LRRC3C: variants seen among roughly 807,000 people sequenced by gnomAD.
LRRC3C encodes leucine rich repeat containing 3C.
Under a neutral mutation model 14.8 loss-of-function variants are expected in LRRC3C, and 11 were observed. The observed-to-expected ratio is 0.74, with a 90% CI of 0.47 to 1.23. The LOEUF (loss-of-function observed/expected upper bound fraction) is 1.23, where lower values mean the gene tolerates loss of function less well. Among genes scored for constraint, LRRC3C ranks in the 50% most tolerant of loss-of-function variants. The pLI is 0.00. For synonymous variants in LRRC3C, 149 were observed against 161.5 expected (o/e 0.92, Z 0.59); for missense variants, 354 against 361.8 (o/e 0.98, Z 0.18).
intron 2 of LRRC3C, among the ~76,000 whole-genome samples, chr17:39,936,521 G>A (rs932829958): frequency 2.6e-5 from 4 of 151,950 alleles, no homozygotes; most frequent in African/African-American, 9.7e-5. Context: ...CTTTCAATCC[G>A]ACCAGATGCG....
At chr17:39,931,852 T>C (rs889000133) in intron 1 of LRRC3C, among the ~76,000 whole-genome samples, 2 of 152,036 alleles carry the variant, frequency 1.3e-5, no homozygotes, top group Non-Finnish European at 2.9e-5. Context: ...GGTTTCACCA[T>C]GTTGGCCAGG....
Position 39,935,795 on chromosome 17 carries a change from T to G in LRRC3C, c.-174-7T>G. On this transcript the variant is annotated splice_polypyrimidine_tract_variant and splice_region_variant and intron_variant, in intron 1 of 3. Transcript: ENST00000377924. ...TGTATGTATACACCCCTTGCTCTTTTCTACAGGGAACAACAATAGCAGAGG... is the reference window on the plus strand; with the variant it reads ...TGTATGTATACACCCCTTGCTCTTTGCTACAGGGAACAACAATAGCAGAGG... 1.0e-6 allele frequency: 1 copy of G among 985,318 alleles called. No individual in the cohort carries two copies. The highest frequency in any genetic ancestry group is 4.7e-5 in the South Asian group (1 of 21,282). The allele number at this position is 985,318 out of a possible 1,614,324, so 61.0% of individuals were successfully genotyped here.
chr17:39,928,852 G>T (rs1978564756), intron 1 of LRRC3C, among the ~76,000 whole-genome samples: 1 of 152,214 alleles, frequency 6.6e-6, no homozygotes, highest in Admixed American at 6.5e-5. Flanking sequence ...CACACAGCTG[G>T]AGTGGGACCC....
In LRRC3C at chr17:39,941,545, T is replaced by G. The variant is rs2144766162; in HGVS notation, c.22T>G (p.Phe8Val). Reference sequence around the variant, plus strand: ...TCCAATGCGTATGACCTCATCTTCCTTCGTGTAAGTATATCCACCCCTAGT... The same window carrying G: ...TCCAATGCGTATGACCTCATCTTCCGTCGTGTAAGTATATCCACCCCTAGT... MRMTSSS[F>V]VSYCTPGLCQ... Residue 8 changes from phenylalanine (F) to valine (V), a missense_variant, in exon 3 of 4, where the codon TTC becomes GTC. Phe to Val is a conservative substitution (Grantham distance 50). Transcript: ENST00000377924. 1 of 1,535,734 alleles carries G rather than the reference T, an allele frequency of 6.5e-7. No homozygotes were observed. The highest frequency in any genetic ancestry group is 1.2e-5 in the South Asian group (1 of 84,042).
chr17:39,943,818 G>A, intron 3 of LRRC3C, 115 bp from the exon 4 acceptor site: 2 of 949,394 alleles, frequency 2.1e-6, no homozygotes, highest in Non-Finnish European at 3.1e-6. Context: ...AGCCCCCAGA[G>A]AAGAGGCCCC....
chr17:39,931,289 GAA>G (rs1372755638), intron 1 of LRRC3C, among the ~76,000 whole-genome samples: 3 of 148,726 alleles, frequency 2.0e-5, no homozygotes, highest in Admixed American at 6.7e-5. Flanking sequence ...ACTAAAAATA[GAA>G]AAAAATTAGC....
intron 1 of LRRC3C, chr17:39,934,554 A>AC (rs1002551299): frequency 9.2e-5 from 14 of 152,010 alleles, no homozygotes; most frequent in African/African-American, 3.4e-4. Context: ...TTACAGAACC[A>AC]CCTCCCCCTG....
At chr17:39,932,004 C>T (rs992695333) in intron 1 of LRRC3C, among the ~76,000 whole-genome samples, 91 of 152,140 alleles carry the variant, frequency 6.0e-4, no homozygotes, top group African/African-American at 2.1e-3. Context: ...AAGTCTAAAC[C>T]TGCATATACG....
intron 2 of LRRC3C, among the ~76,000 whole-genome samples, chr17:39,940,776 G>T (rs1978917112): frequency 1.3e-5 from 2 of 151,942 alleles, no homozygotes. Flanking sequence ...GGGTCTTAAT[G>T]CGTCACCTAG....
chr17:39,937,190 C>T (rs1978821775), intron 2 of LRRC3C, among the ~76,000 whole-genome samples: 1 of 151,996 alleles, frequency 6.6e-6, no homozygotes, highest in African/African-American at 2.4e-5. Context: ...AATCCCAGCA[C>T]CTTGGGAGGC....
chr17:39,930,076 C>T (rs115301943), intron 1 of LRRC3C, among the ~76,000 whole-genome samples: 4,163 of 151,480 alleles, frequency 0.027, 188 homozygotes, highest in African/African-American at 0.096. Context: ...TCCAGGAGTT[C>T]GAGACCAACC....
chr17:39,939,025 A>G (rs1232013950), intron 2 of LRRC3C, among the ~76,000 whole-genome samples: 1 of 152,010 alleles, frequency 6.6e-6, no homozygotes, highest in African/African-American at 2.4e-5. Context: ...CAAAGAAAAA[A>G]AAAAAAAAAA....
chr17:39,941,056 T>G (rs887914366), intron 2 of LRRC3C, among the ~76,000 whole-genome samples: 13 of 151,596 alleles, frequency 8.6e-5, no homozygotes, highest in African/African-American at 3.1e-4. Flanking sequence ...GCCTTGAAAT[T>G]CTTAAGTTTT....
Position 39,944,638 on chromosome 17 carries a change from G to T in LRRC3C, c.732G>T (p.Val244=). 1 of 1,536,030 alleles carries T rather than the reference G, an allele frequency of 6.5e-7. No individual in the cohort carries two copies. Among genetic ancestry groups the T allele is most frequent in the Non-Finnish European group, 8.7e-7 (1 of 1,146,894 alleles). Residue 244 remains valine, a synonymous_variant, in exon 4 of 4, where the codon GTG becomes GTT. Coordinates refer to ENST00000377924, the MANE Select transcript of LRRC3C (RefSeq NM_001195545.2). ...TGGTGGCTTATCTGGTGCATTATGT[G>T]TGGCAGAACCGAGATGAGACCAGGC... ...TLMVAYLVHY[V]WQNRDETRRS...
At position 39,944,299 on chromosome 17, in the gene LRRC3C, C is replaced by T. The variant is rs1979022289; in HGVS notation, c.393C>T (p.Arg131=). 3.3e-6 allele frequency: 5 copies of T among 1,535,500 alleles called. No individual in the cohort carries two copies. Among genetic ancestry groups the T allele is most frequent in the African/African-American group, 1.4e-5 (1 of 73,158 alleles). ...AAFQGLEGTL[R]HLDLSANQLA... is the part of the protein sequence containing the mutation. ...TCCAGGGCCTGGAGGGCACATTGCG[C>T]CACCTCGACCTCTCTGCCAACCAGC... Residue 131 remains arginine (R), a synonymous_variant, in exon 4 of 4, where the codon CGC becomes CGT. Coordinates refer to ENST00000377924, the MANE Select transcript of LRRC3C (RefSeq NM_001195545.2).
At chr17:39,935,402 T>C (rs757381076) in intron 1 of LRRC3C, among the ~76,000 whole-genome samples, 1 of 152,024 alleles carries the variant, frequency 6.6e-6, no homozygotes, top group Non-Finnish European at 1.5e-5. Flanking sequence ...TTCCCTTAGG[T>C]GATCGGAGGG....
At chr17:39,942,766 A>C (rs1978972270) in intron 3 of LRRC3C, among the ~76,000 whole-genome samples, 2 of 152,212 alleles carry the variant, frequency 1.3e-5, no homozygotes, top group African/African-American at 4.8e-5. Context: ...GCCACCGAGC[A>C]TGGAAGAATG....
chr17:39,930,351 T>A (rs1598290984), intron 1 of LRRC3C, among the ~76,000 whole-genome samples: 1 of 97,748 alleles, frequency 1.0e-5, no homozygotes, highest in African/African-American at 3.8e-5. Flanking sequence ...AAATGATATA[T>A]CAACTAAAAG....
At chr17:39,943,912 A>T (rs1193456105) in intron 3 of LRRC3C, 21 bp from the exon 4 acceptor site, 3 of 1,534,886 alleles carry the variant, frequency 2.0e-6, no homozygotes, top group East Asian at 4.9e-5. Flanking sequence ...CTCCTCCTTT[A>T]TGTGGCCTTT....
Sources: allele counts gnomAD v4.1 joint callset (sites outside exome capture counted in the v4.1 genomes callset), GRCh38; gene constraint gnomAD v4.1.1; transcripts MANE v1.5; gene names NCBI Gene and HGNC (gene_info 2026-07-23, HGNC 2026-07-21).